Variants in CRIM1 observed in about 807,000 individuals in gnomAD.
The protein encoded by CRIM1 is cysteine rich transmembrane BMP regulator 1.
A neutral mutation model predicts 116.4 loss-of-function variants in CRIM1; 32 were observed. The ratio of observed to expected loss-of-function variants is 0.27; its 90% CI spans 0.21 to 0.37. The LOEUF is 0.37. Ranked by LOEUF, CRIM1 falls within the 10% of genes least tolerant of loss-of-function variation. The pLI, the probability that CRIM1 is intolerant of heterozygous loss-of-function variation, is 1.00. For missense variants in CRIM1, 1,331 were observed against 1,354.8 expected, an observed-to-expected ratio of 0.98 and a Z score of 0.28; for synonymous variants, 590 against 509.2, an observed-to-expected ratio of 1.16 and a Z score of -2.13.
chr2:36,407,102 A>G (rs971355504), intron 2 of CRIM1, among the ~76,000 whole-genome samples: 6 of 152,172 alleles, frequency 3.9e-5, no homozygotes, highest in African/African-American at 1.4e-4. Context: ...AAGTGCCATC[A>G]AAGGTACTTG....
intron 7 of CRIM1, among the ~76,000 whole-genome samples, chr2:36,490,159 G>T (rs1313283152): frequency 6.6e-6 from 1 of 152,126 alleles, no homozygotes; most frequent in Non-Finnish European, 1.5e-5. Flanking sequence ...CTGTGAAAGG[G>T]CTAAGAATTC....
At chr2:36,497,029 A>G in intron 7 of CRIM1, among the ~76,000 whole-genome samples, 1 of 152,320 alleles carries the variant, frequency 6.6e-6, no homozygotes, top group African/African-American at 2.4e-5. Flanking sequence ...AAAATTCCAT[A>G]CTACCCTATG....
At chr2:36,509,599 C>G (rs747806087) in intron 8 of CRIM1, among the ~76,000 whole-genome samples, 1 of 152,126 alleles carries the variant, frequency 6.6e-6, no homozygotes. Flanking sequence ...GAAAATTGGA[C>G]TGTAAATTTC....
chr2:36,493,521 C>A (rs1171922725), intron 7 of CRIM1, among the ~76,000 whole-genome samples: 1 of 152,130 alleles, frequency 6.6e-6, no homozygotes, highest in Non-Finnish European at 1.5e-5. Context: ...CACACAGACC[C>A]AACAGGGATG....
intron 2 of CRIM1, among the ~76,000 whole-genome samples, chr2:36,404,581 G>C (rs145370183): frequency 6.6e-6 from 1 of 152,170 alleles, no homozygotes; most frequent in African/African-American, 2.4e-5. Context: ...CATGCCATGT[G>C]CCACTACACC....
rs3770959 is a variant in CRIM1 at position 36,362,584 on chromosome 2, C to T, written c.331+5961C>T. Among the ~76,000 whole-genome samples, 878 of 152,232 alleles carry T rather than the reference C, an allele frequency of 5.8e-3. 60 individuals carry two copies. The East Asian group carries it at 0.15, about 26-fold the overall frequency. On this transcript the variant is annotated intron_variant, in intron 1 of 16. Coordinates refer to ENST00000280527, the MANE Select transcript of CRIM1 (RefSeq NM_016441.3). Reference sequence around the variant, plus strand: ...ACTGGGAGGTGTCCCTTTATCAGCACCTCTCAGCTTCACCCACCCTGCTGC... The same window carrying T: ...ACTGGGAGGTGTCCCTTTATCAGCATCTCTCAGCTTCACCCACCCTGCTGC...
At chr2:36,489,096 C>A (rs1395677794) in intron 7 of CRIM1, among the ~76,000 whole-genome samples, 1 of 152,148 alleles carries the variant, frequency 6.6e-6, no homozygotes, top group Non-Finnish European at 1.5e-5. Flanking sequence ...TTTGAGACTG[C>A]CTTGGATCTA....
intron 9 of CRIM1, 33 bp downstream of exon 9, chr2:36,510,172 G>GA: frequency 1.3e-6 from 2 of 1,593,990 alleles, no homozygotes; most frequent in Non-Finnish European, 1.7e-6. Flanking sequence ...AAGCTATTAT[G>GA]AAGTGCAACT....
rs557595381 is a variant in CRIM1 at position 36,433,580 on chromosome 2, A to G, written c.506-7678A>G. ...TGGTTCTCAGGCCCAATTGCACAATAGAATCACCCTGGGAGCTATTTAAAC... is the reference window on the plus strand; with the variant it reads ...TGGTTCTCAGGCCCAATTGCACAATGGAATCACCCTGGGAGCTATTTAAAC... On this transcript the variant is annotated intron_variant, in intron 2 of 16. Transcript: ENST00000280527. Among the ~76,000 whole-genome samples the G allele has an allele frequency of 5.9e-5, 9 of 152,324 alleles. No individual in the cohort carries two copies. In the South Asian group the frequency reaches 1.7e-3, roughly 28 times the overall value.
intron 10 of CRIM1, among the ~76,000 whole-genome samples, chr2:36,512,752 A>G (rs1402718714): frequency 6.6e-6 from 1 of 152,198 alleles, no homozygotes; most frequent in Non-Finnish European, 1.5e-5. Context: ...AAATAGCCCC[A>G]TTTCAAAGTT....
At chr2:36,495,863 A>G (rs1318700865) in intron 7 of CRIM1, among the ~76,000 whole-genome samples, 1 of 152,126 alleles carries the variant, frequency 6.6e-6, no homozygotes, top group Non-Finnish European at 1.5e-5. Context: ...TTTTTTCTAG[A>G]TAATTCATAA....
chr2:36,521,895 A>T (rs1421523672), intron 12 of CRIM1, among the ~76,000 whole-genome samples, 197 bp from the exon 13 acceptor site: 1 of 152,204 alleles, frequency 6.6e-6, no homozygotes, highest in Non-Finnish European at 1.5e-5. Flanking sequence ...TAACTGTAAC[A>T]TCTCTTTTTT....
chr2:36,427,753 T>C (rs1674570637), intron 2 of CRIM1, among the ~76,000 whole-genome samples: 1 of 152,216 alleles, frequency 6.6e-6, no homozygotes, highest in Non-Finnish European at 1.5e-5. Context: ...ATGGGCGCTC[T>C]CTCTGTCTAG....
intron 5 of CRIM1, among the ~76,000 whole-genome samples, chr2:36,470,746 C>T (rs1482422215): frequency 6.6e-6 from 1 of 152,164 alleles, no homozygotes; most frequent in African/African-American, 2.4e-5. Context: ...TTCTGCAGCC[C>T]ATGGACCAAG....
intron 5 of CRIM1, among the ~76,000 whole-genome samples, chr2:36,468,207 A>G (rs142579902): frequency 6.6e-6 from 1 of 152,150 alleles, no homozygotes; most frequent in Non-Finnish European, 1.5e-5. Context: ...CTCACTTCCT[A>G]TGCTGCCATC....
At chr2:36,444,455 A>G (rs1676093949) in intron 4 of CRIM1, among the ~76,000 whole-genome samples, 1 of 152,216 alleles carries the variant, frequency 6.6e-6, no homozygotes, top group Non-Finnish European at 1.5e-5. Flanking sequence ...TAGGTTGGAA[A>G]GGAGGTTGAA....
intron 8 of CRIM1, among the ~76,000 whole-genome samples, chr2:36,501,326 TGAA>T (rs1050293728): frequency 6.6e-6 from 1 of 152,212 alleles, no homozygotes; most frequent in African/African-American, 2.4e-5. Flanking sequence ...AAAATATTTT[TGAA>T]GAAGATACAA....
chr2:36,406,270 G>A (rs1672786044), intron 2 of CRIM1, among the ~76,000 whole-genome samples: 1 of 152,148 alleles, frequency 6.6e-6, no homozygotes, highest in South Asian at 2.1e-4. Context: ...TCCATTGGAG[G>A]GAGGATGGAA....
intron 2 of CRIM1, among the ~76,000 whole-genome samples, chr2:36,422,269 C>A (rs1048831709): frequency 6.6e-6 from 1 of 151,812 alleles, no homozygotes; most frequent in African/African-American, 2.4e-5. Flanking sequence ...TAAAAAAAAT[C>A]TTTAGGATAC....
Sources: allele counts gnomAD v4.1 joint callset (sites outside exome capture counted in the v4.1 genomes callset), GRCh38; gene constraint gnomAD v4.1.1; transcripts MANE v1.5; gene names NCBI Gene and HGNC (gene_info 2026-07-23, HGNC 2026-07-21).